The following EYS variants were observed in gnomAD, a reference collection of about 807,000 sequenced individuals.
EYS encodes EGF-like photoreceptor maintenance factor.
EYS carries 250 observed loss-of-function variants against 282.1 expected under a neutral mutation model. That is an observed-to-expected ratio of 0.89 (90% CI 0.80 to 0.98). The LOEUF (loss-of-function observed/expected upper bound fraction) is 0.98. Among genes scored for constraint, EYS ranks in the 50% least tolerant of loss-of-function variants. The pLI, the probability that EYS is intolerant of heterozygous loss-of-function variation, is 0.00. For missense variants in EYS, 4,016 were observed against 3,709.0 expected, an observed-to-expected ratio of 1.08 and a Z score of -2.15; for synonymous variants, 1,355 against 1,282.9, an observed-to-expected ratio of 1.06 and a Z score of -1.20.
intron 26 of EYS, among the ~76,000 whole-genome samples, chr6:64,441,984 T>C (rs531619514): frequency 6.6e-5 from 10 of 152,196 alleles, no homozygotes; most frequent in Admixed American, 6.5e-4. Context: ...AAATGTGGAA[T>C]TGACTTTGGA....
chr6:64,235,965 T>A (rs1415229639), intron 30 of EYS, among the ~76,000 whole-genome samples: 1 of 152,118 alleles, frequency 6.6e-6, no homozygotes, highest in Non-Finnish European at 1.5e-5. Flanking sequence ...CCTCCCTAAC[T>A]CATTTTATGA....
chr6:65,110,754 T>C (rs1235779343), intron 12 of EYS, among the ~76,000 whole-genome samples: 1 of 152,120 alleles, frequency 6.6e-6, no homozygotes, highest in African/African-American at 2.4e-5. Context: ...GATGTAGCAT[T>C]GTGTCAAGAT....
chr6:64,300,742 G>T (rs188105385), intron 30 of EYS, among the ~76,000 whole-genome samples: 1 of 152,090 alleles, frequency 6.6e-6, no homozygotes, highest in Non-Finnish European at 1.5e-5. Context: ...TCCCTCCACC[G>T]CAGTGATTCC....
intron 15 of EYS, among the ~76,000 whole-genome samples, chr6:64,944,648 C>T (rs1422001639): frequency 6.6e-6 from 1 of 152,036 alleles, no homozygotes. Flanking sequence ...CTTAAAGGGT[C>T]TGTGCTGAGG....
intron 26 of EYS, among the ~76,000 whole-genome samples, chr6:64,541,828 C>A (rs1764702309): frequency 6.6e-6 from 1 of 152,136 alleles, no homozygotes; most frequent in African/African-American, 2.4e-5. Flanking sequence ...GATGGTAATA[C>A]AATGGAAGTG....
intron 1 of EYS, among the ~76,000 whole-genome samples, chr6:65,644,070 T>C (rs1181721422): frequency 6.6e-6 from 1 of 151,990 alleles, no homozygotes; most frequent in Non-Finnish European, 1.5e-5. Flanking sequence ...CAAACCAAGA[T>C]GAAATCTCTG....
intron 31 of EYS, among the ~76,000 whole-genome samples, chr6:64,221,420 T>C (rs1485038098): frequency 2.6e-5 from 4 of 152,110 alleles, no homozygotes; most frequent in Non-Finnish European, 5.9e-5. Context: ...TCTATTATCA[T>C]GGGATGATAC....
chr6:63,904,180 T>A (rs555727696), intron 35 of EYS, among the ~76,000 whole-genome samples: 1 of 152,182 alleles, frequency 6.6e-6, no homozygotes, highest in Non-Finnish European at 1.5e-5. Context: ...GTGTCTCAAC[T>A]GTCCTTGCTT....
chr6:65,181,497 A>G (rs1399460148), intron 12 of EYS, among the ~76,000 whole-genome samples: 1 of 152,158 alleles, frequency 6.6e-6, no homozygotes, highest in East Asian at 1.9e-4. Flanking sequence ...GCAAATCAAA[A>G]CCATAATGAG....
chr6:64,704,559 A>G (rs1056689673), intron 22 of EYS, among the ~76,000 whole-genome samples: 9 of 95,688 alleles, frequency 9.4e-5, no homozygotes, highest in Admixed American at 2.2e-4. Flanking sequence ...AATACTTATA[A>G]TACTCTCATT....
intron 31 of EYS, among the ~76,000 whole-genome samples, chr6:64,185,103 T>C (rs754263845): frequency 6.6e-6 from 1 of 152,094 alleles, no homozygotes; most frequent in Non-Finnish European, 1.5e-5. Context: ...AGTCAGATAG[T>C]AGGCCTTCAC....
At chr6:64,778,871 A>T (rs1773767715) in intron 22 of EYS, among the ~76,000 whole-genome samples, 1 of 152,180 alleles carries the variant, frequency 6.6e-6, no homozygotes, top group Admixed American at 6.6e-5. Context: ...ACCAAATAAG[A>T]TGTACAGATG....
At chr6:65,073,454 G>T (rs1773955020) in intron 12 of EYS, among the ~76,000 whole-genome samples, 1 of 151,524 alleles carries the variant, frequency 6.6e-6, no homozygotes, top group South Asian at 2.1e-4. Context: ...ATAAGCAGCA[G>T]AGATCAATAT....
chr6:65,100,481 G>A (rs1415387116), intron 12 of EYS, among the ~76,000 whole-genome samples: 1 of 150,530 alleles, frequency 6.6e-6, no homozygotes, highest in Admixed American at 6.7e-5. Context: ...CTATAATTGA[G>A]TATCACATCA....
Position 63,720,617 on chromosome 6 carries a change from A to C in EYS, c.9414T>G (p.Asp3138Glu), listed in dbSNP as rs374161234. The change falls in exon 43 of 43, where the codon GAT (aspartate) becomes GAG (glutamate). Residue 3138 changes from aspartate to glutamate, a missense_variant. Coordinates refer to ENST00000503581, the MANE Select transcript of EYS (RefSeq NM_001142800.2). ...TAACTTATGTAACCTCATTTTGTTCATCTCCATCATAAACATTGTATCCTT... is the reference window on the plus strand; with the variant it reads ...TAACTTATGTAACCTCATTTTGTTCCTCTCCATCATAAACATTGTATCCTT... Reference protein sequence around the residue: ...KLEGYNVYDGDEQNEVT With the variant: ...KLEGYNVYDGEEQNEVT 104 of 1,493,528 alleles carry C rather than the reference A, an allele frequency of 7.0e-5. No homozygotes were observed. The East Asian group carries it at 1.6e-3, about 22-fold the overall frequency. 92.5% of individuals were successfully genotyped at this position (1,493,528 alleles called of 1,614,324 possible). A position where few individuals can be genotyped will look rare whatever the true frequency, so the allele number is the denominator to read the frequency against.
At chr6:64,001,497 T>C (rs1768091867) in intron 33 of EYS, among the ~76,000 whole-genome samples, 1 of 152,182 alleles carries the variant, frequency 6.6e-6, no homozygotes, top group Non-Finnish European at 1.5e-5. Flanking sequence ...GATTTATAAT[T>C]TTTAGGTATG....
At chr6:63,937,413 C>CTTTTT (rs1765100954) in intron 35 of EYS, among the ~76,000 whole-genome samples, 1 of 89,540 alleles carries the variant, frequency 1.1e-5, no homozygotes, top group Non-Finnish European at 2.1e-5. Flanking sequence ...CGGAGTCTCA[C>CTTTTT]TTTGTTGCCC....
At chr6:65,499,021 T>C (rs1766355271) in intron 2 of EYS, among the ~76,000 whole-genome samples, 1 of 151,994 alleles carries the variant, frequency 6.6e-6, no homozygotes. Context: ...TGACAGCATT[T>C]CACATAATTA....
chr6:64,815,204 T>C (rs1406173572), intron 21 of EYS: 4 of 452,624 alleles, frequency 8.8e-6, no homozygotes, highest in Non-Finnish European at 1.8e-5. Flanking sequence ...AATCCTTTGA[T>C]ATTTGTTCCA....
Sources: gnomAD v4.1 joint callset for allele counts (sites outside exome capture counted in the v4.1 genomes callset) on GRCh38, gnomAD v4.1.1 for gene constraint, MANE v1.5 for transcripts, NCBI Gene and HGNC (gene_info 2026-07-23, HGNC 2026-07-21) for gene names.